The following DNAH6 variants were observed in gnomAD, a reference collection of about 807,000 sequenced individuals.
DNAH6 encodes axonemal beta dynein heavy chain 6.
A neutral mutation model predicts 491.4 loss-of-function variants in DNAH6; 340 were observed. That is an observed-to-expected ratio of 0.69 (90% CI 0.63 to 0.76). The LOEUF (loss-of-function observed/expected upper bound fraction) is 0.76. Ranked by LOEUF, DNAH6 falls within the 30% of genes least tolerant of loss-of-function variation. The pLI, the probability that DNAH6 is intolerant of heterozygous loss-of-function variation, is 0.00. For missense variants in DNAH6, 4,443 were observed against 4,972.2 expected (o/e 0.89, Z 3.20); for synonymous variants, 1,603 against 1,686.1 (o/e 0.95, Z 1.21).
chr2:84,504,069 C>A, the DNAH6 span, among the ~76,000 whole-genome samples: 3 of 152,000 alleles, frequency 2.0e-5, no homozygotes, highest in African/African-American at 7.2e-5. Context: ...TTTTTAGATC[C>A]TGTAGGCATA....
intron 10 of DNAH6, among the ~76,000 whole-genome samples, chr2:84,557,202 G>A (rs910453036): frequency 6.6e-5 from 10 of 152,068 alleles, no homozygotes; most frequent in African/African-American, 9.7e-5. Flanking sequence ...TCATCACCAT[G>A]TGTTGCAATT....
chr2:84,577,795 C>A (rs1014104548), intron 13 of DNAH6, among the ~76,000 whole-genome samples: 2 of 151,998 alleles, frequency 1.3e-5, no homozygotes, highest in African/African-American at 2.4e-5. Flanking sequence ...CCCTACAGGT[C>A]TGATTATGTT....
intron 49 of DNAH6, among the ~76,000 whole-genome samples, chr2:84,702,121 G>C (rs984413071): frequency 3.9e-5 from 6 of 152,148 alleles, no homozygotes; most frequent in Non-Finnish European, 5.9e-5. Context: ...AAGAACATGT[G>C]CCAGTGGTTC....
intron 14 of DNAH6, among the ~76,000 whole-genome samples, chr2:84,580,320 A>G (rs1322735522): frequency 2.9e-3 from 2 of 690 alleles, no homozygotes; most frequent in South Asian, 0.083. Context: ...ACACACGCAC[A>G]CACACACACA....
intron 52 of DNAH6, among the ~76,000 whole-genome samples, chr2:84,706,000 T>C (rs985991345): frequency 2.6e-5 from 4 of 152,258 alleles, no homozygotes; most frequent in Non-Finnish European, 5.9e-5. Context: ...TTAATCTCTT[T>C]CTTTAAGGTA....
intron 46 of DNAH6, among the ~76,000 whole-genome samples, chr2:84,696,585 A>G (rs544329568): frequency 8.5e-4 from 129 of 152,150 alleles, no homozygotes; most frequent in Non-Finnish European, 1.2e-3. Context: ...AAATTAGAAC[A>G]CAGAAAACTA....
At chr2:84,509,980 C>T in the DNAH6 span, among the ~76,000 whole-genome samples, 1 of 152,122 alleles carries the variant, frequency 6.6e-6, no homozygotes, top group Non-Finnish European at 1.5e-5. Flanking sequence ...GTGCGTAACC[C>T]GACCTTTCTC....
At chr2:84,628,156 A>G (rs1480793264) in intron 29 of DNAH6, among the ~76,000 whole-genome samples, 1 of 152,218 alleles carries the variant, frequency 6.6e-6, no homozygotes, top group Non-Finnish European at 1.5e-5. Context: ...AGAAGGGGGT[A>G]TAGTCTGATT....
chr2:84,486,165 T>C, the DNAH6 span, among the ~76,000 whole-genome samples: 3 of 152,184 alleles, frequency 2.0e-5, no homozygotes, highest in Non-Finnish European at 4.4e-5. Context: ...TCAAACTCCC[T>C]TTCCTGCCTC....
the DNAH6 span, among the ~76,000 whole-genome samples, chr2:84,510,312 C>G: frequency 6.6e-6 from 1 of 152,174 alleles, no homozygotes; most frequent in Non-Finnish European, 1.5e-5. Context: ...CTTCTCGCTT[C>G]ATTTCATTCA....
At chr2:84,786,101 AGAATGAAT>A (rs3062234) in intron 67 of DNAH6, among the ~76,000 whole-genome samples, 2,126 of 150,362 alleles carry the variant, frequency 0.014, 42 homozygotes, top group East Asian at 0.071. Context: ...AGAGAAAGAA[AGAATGAAT>A]GAATGAATGA....
intron 37 of DNAH6, among the ~76,000 whole-genome samples, chr2:84,663,305 G>A (rs934454026): frequency 5.9e-5 from 9 of 152,154 alleles, no homozygotes; most frequent in African/African-American, 2.2e-4. Context: ...CCGAGCTAAA[G>A]GAGGATGTTC....
intron 59 of DNAH6, among the ~76,000 whole-genome samples, chr2:84,719,519 GT>G (rs1370872868): frequency 6.6e-6 from 1 of 151,098 alleles, no homozygotes; most frequent in African/African-American, 2.4e-5. Flanking sequence ...ATTTTGTTTT[GT>G]TTTGTTTTGA....
At chr2:84,731,781 A>G (rs1253566620) in intron 61 of DNAH6, among the ~76,000 whole-genome samples, 1 of 152,202 alleles carries the variant, frequency 6.6e-6, no homozygotes, top group African/African-American at 2.4e-5. Context: ...TTTGCCAGAG[A>G]TAACTTAGGA....
intron 64 of DNAH6, 113 bp from the exon 65 acceptor site, chr2:84,781,380 G>T (rs527829316): frequency 3.4e-6 from 3 of 875,864 alleles, no homozygotes; most frequent in South Asian, 4.9e-5. Context: ...TTGGAATGAG[G>T]ATTCAAAATG....
At chr2:84,633,016 C>G (rs1167635188) in intron 29 of DNAH6, among the ~76,000 whole-genome samples, 1 of 152,104 alleles carries the variant, frequency 6.6e-6, no homozygotes, top group Non-Finnish European at 1.5e-5. Flanking sequence ...CCAAATGCCC[C>G]TTCCTTGAAT....
intron 70 of DNAH6, among the ~76,000 whole-genome samples, chr2:84,800,836 G>A (rs1001813956): frequency 1.2e-4 from 18 of 152,030 alleles, no homozygotes; most frequent in Non-Finnish European, 1.8e-4. Context: ...GCAAAGACTT[G>A]GAACCAACCC....
In DNAH6 at chr2:84,756,506, G is replaced by A. The variant is rs538811819; in HGVS notation, c.10513-6249G>A. On this transcript the variant is annotated intron_variant, in intron 63 of 76. Coordinates refer to ENST00000389394, the MANE Select transcript of DNAH6 (RefSeq NM_001370.2). ...TGAGTATGATGCTAAGAAGTGTAAG[G>A]ACAAGGGTTCTATCATAATGCACAA... 1.4e-4 allele frequency among the ~76,000 whole-genome samples: 22 copies of A among 152,256 alleles called. No homozygotes were observed. In the South Asian group the frequency reaches 4.6e-3, roughly 32 times the overall value.
chr2:84,593,652 A>T (rs1684312532), intron 16 of DNAH6, among the ~76,000 whole-genome samples: 4 of 152,144 alleles, frequency 2.6e-5, no homozygotes. Flanking sequence ...AGAAGACCTA[A>T]CATATATGTG....
Sources: allele counts gnomAD v4.1 joint callset (sites outside exome capture counted in the v4.1 genomes callset), GRCh38; gene constraint gnomAD v4.1.1; transcripts MANE v1.5; gene names NCBI Gene and HGNC (gene_info 2026-07-23, HGNC 2026-07-21).